Variants in CACNA2D1 observed in about 807,000 individuals in gnomAD.
CACNA2D1 encodes the protein voltage-dependent calcium channel subunit alpha-2/delta-1.
In CACNA2D1, 53 loss-of-function variants were observed where a neutral mutation model predicts 171.5. The observed-to-expected ratio is 0.31, with a 90% CI of 0.25 to 0.39. CACNA2D1 has a LOEUF of 0.39. Ranked by LOEUF, CACNA2D1 falls within the 10% of genes least tolerant of loss-of-function variation. The pLI, the probability that CACNA2D1 is intolerant of heterozygous loss-of-function variation, is 1.00. For missense variants in CACNA2D1, 903 were observed against 1,299.8 expected (o/e 0.69, Z 4.69); for synonymous variants, 442 against 443.1 (o/e 1.00, Z 0.03).
chr7:82,360,002 C>T (rs557430136), intron 1 of CACNA2D1, among the ~76,000 whole-genome samples: 58 of 152,270 alleles, frequency 3.8e-4, no homozygotes, highest in African/African-American at 6.3e-4. Flanking sequence ...AGGCATAGAG[C>T]GGTTAAGTTA....
chr7:82,134,103 A>C (rs1791332932), intron 5 of CACNA2D1, among the ~76,000 whole-genome samples: 1 of 152,128 alleles, frequency 6.6e-6, no homozygotes, highest in Admixed American at 6.5e-5. Flanking sequence ...GCAAATAAGT[A>C]AACATATATG....
intron 1 of CACNA2D1, among the ~76,000 whole-genome samples, chr7:82,409,116 T>G (rs1247652871): frequency 1.3e-5 from 2 of 152,108 alleles, no homozygotes; most frequent in Non-Finnish European, 2.9e-5. Flanking sequence ...GCTATATCTA[T>G]AAGTTCCCCA....
At chr7:82,246,627 CT>C (rs1563253720) in intron 3 of CACNA2D1, among the ~76,000 whole-genome samples, 11 of 152,072 alleles carry the variant, frequency 7.2e-5, no homozygotes, top group Non-Finnish European at 8.8e-5. Flanking sequence ...AGAGAAGAAA[CT>C]TTCTTCTTTG....
chr7:81,953,724 C>CTG (rs1792877729), intron 38 of CACNA2D1, among the ~76,000 whole-genome samples: 1 of 152,072 alleles, frequency 6.6e-6, no homozygotes, highest in African/African-American at 2.4e-5. Context: ...GTCACTTAAA[C>CTG]AGGAGTACTC....
intron 3 of CACNA2D1, among the ~76,000 whole-genome samples, chr7:82,269,874 T>G (rs1808388267): frequency 6.6e-6 from 1 of 152,148 alleles, no homozygotes; most frequent in Admixed American, 6.6e-5. Context: ...AGATGAACAA[T>G]GTTACCAACA....
intron 2 of CACNA2D1, 25 bp downstream of exon 2, chr7:82,349,543 A>C (rs1434125795): frequency 1.9e-6 from 3 of 1,574,048 alleles, no homozygotes; most frequent in Admixed American, 3.3e-5. Context: ...AAGATTAAGA[A>C]ATCTCTTTGG....
At chr7:82,145,627 CAT>C (rs1792933597) in intron 4 of CACNA2D1, among the ~76,000 whole-genome samples, 1 of 117,714 alleles carries the variant, frequency 8.5e-6, no homozygotes, top group Admixed American at 9.8e-5. Flanking sequence ...TATAAAATTA[CAT>C]ATAAAAATTT....
In CACNA2D1 at chr7:82,131,178, G is replaced by A. The variant is rs1584860128; in HGVS notation, c.396+5457C>T. On this transcript the variant is annotated intron_variant, in intron 5 of 38. Coordinates refer to ENST00000356860, the MANE Select transcript of CACNA2D1 (RefSeq NM_000722.4). ...TTACAGTAAACTGCAGCCTAACTTA[G>A]TATGTTAACAAACTGCAACCTACTT... 3.3e-5 allele frequency among the ~76,000 whole-genome samples: 5 copies of A among 152,182 alleles called. No homozygotes were observed. The East Asian group carries it at 9.7e-4, about 29-fold the overall frequency.
At position 82,426,438 on chromosome 7, in the gene CACNA2D1, A is replaced by C. The variant is rs1018560361; in HGVS notation, c.95+16927T>G. On this transcript the variant is annotated intron_variant, in intron 1 of 38. Coordinates refer to ENST00000356860, the MANE Select transcript of CACNA2D1 (RefSeq NM_000722.4). ...AAATGCCTTATGAGCTCAGATACAA[A>C]TTCTTGAAAAATTAGAATTGATACT... 3.9e-5 allele frequency among the ~76,000 whole-genome samples: 6 copies of C among 152,244 alleles called. No homozygotes were observed. The East Asian group carries it at 1.2e-3, about 29-fold the overall frequency.
At chr7:81,978,770 T>TATATATAC (rs772536703) in intron 24 of CACNA2D1, among the ~76,000 whole-genome samples, 82 of 144,012 alleles carry the variant, frequency 5.7e-4, no homozygotes, top group African/African-American at 1.8e-3. Context: ...TATATATATA[T>TATATATAC]ACACACACAC....
At chr7:82,411,819 A>T (rs940765105) in intron 1 of CACNA2D1, among the ~76,000 whole-genome samples, 1 of 149,930 alleles carries the variant, frequency 6.7e-6, no homozygotes, top group Non-Finnish European at 1.5e-5. Context: ...GCTGAGAAGT[A>T]AAAAAAAAAT....
At chr7:82,303,715 T>G (rs935572763) in intron 3 of CACNA2D1, among the ~76,000 whole-genome samples, 1 of 151,998 alleles carries the variant, frequency 6.6e-6, no homozygotes, top group African/African-American at 2.4e-5. Context: ...AAAAATCAAC[T>G]AAAGAGGGAT....
chr7:82,056,316 A>T (rs149688160), intron 10 of CACNA2D1, among the ~76,000 whole-genome samples: 185 of 152,328 alleles, frequency 1.2e-3, no homozygotes, highest in Admixed American at 2.0e-3. Context: ...AGATTAGAAG[A>T]TGTTCCTCAT....
chr7:82,272,682 A>T (rs1808793516), intron 3 of CACNA2D1, among the ~76,000 whole-genome samples: 1 of 152,182 alleles, frequency 6.6e-6, no homozygotes, highest in Admixed American at 6.5e-5. Flanking sequence ...GAATAAAGGT[A>T]CTACTAAGAA....
At chr7:82,092,999 T>G (rs866517930) in intron 6 of CACNA2D1, among the ~76,000 whole-genome samples, 13 of 137,842 alleles carry the variant, frequency 9.4e-5, no homozygotes, top group African/African-American at 2.8e-4. Context: ...AAGTGTGTGG[T>G]TTTTTTTTGT....
intron 3 of CACNA2D1, among the ~76,000 whole-genome samples, chr7:82,278,157 TA>T (rs1809603338): frequency 6.6e-6 from 1 of 152,182 alleles, no homozygotes; most frequent in South Asian, 2.1e-4. Flanking sequence ...GATTCCCATA[TA>T]AAAATAGGAG....
chr7:82,356,591 A>G (rs571128732), intron 1 of CACNA2D1, among the ~76,000 whole-genome samples: 1 of 152,294 alleles, frequency 6.6e-6, no homozygotes, highest in African/African-American at 2.4e-5. Flanking sequence ...TGCTTTGAAT[A>G]TAGCAGACAC....
chr7:82,141,765 T>C (rs1293005899), intron 4 of CACNA2D1, among the ~76,000 whole-genome samples: 1 of 152,128 alleles, frequency 6.6e-6, no homozygotes, highest in African/African-American at 2.4e-5. Flanking sequence ...AATTAACAAT[T>C]TTAGATAGTC....
At chr7:82,211,550 TATGGCTGTGA>T (rs1254002476) in intron 3 of CACNA2D1, among the ~76,000 whole-genome samples, 2 of 152,342 alleles carry the variant, frequency 1.3e-5, no homozygotes, top group South Asian at 2.1e-4. Context: ...TGTTCTTTTT[TATGGCTGTGA>T]AGTATTTCAT....
Sources: gnomAD v4.1 joint callset for allele counts (sites outside exome capture counted in the v4.1 genomes callset) on GRCh38, gnomAD v4.1.1 for gene constraint, MANE v1.5 for transcripts, NCBI Gene and HGNC (gene_info 2026-07-23, HGNC 2026-07-21) for gene names.